Variants in ZBED6 observed in about 807,000 individuals in gnomAD.
ZBED6 encodes the protein zinc finger BED domain-containing protein 6.
ZBED6 carries 40 observed loss-of-function variants against 58.4 expected under a neutral mutation model. The ratio of observed to expected loss-of-function variants is 0.68; its 90% confidence interval spans 0.53 to 0.89. ZBED6 has a LOEUF of 0.89. Ranked by LOEUF, ZBED6 falls within the 40% of genes least tolerant of loss-of-function variation. The probability of loss-of-function intolerance (pLI) is 0.00; values close to 1 mark genes in which losing one functional copy is unlikely to be tolerated. For missense variants in ZBED6, 1,057 were observed against 1,003.9 expected (o/e 1.05, Z -0.71); for synonymous variants, 439 against 350.6 (o/e 1.25, Z -2.82).
chr1:203,809,017 A>C (rs553119335), intron 1 of ZBED6, among the ~76,000 whole-genome samples: 1 of 151,880 alleles, frequency 6.6e-6, no homozygotes, highest in Admixed American at 6.6e-5. Context: ...TTTAGTAGAG[A>C]CAGGATTTCA....
At chr1:203,834,535 G>A (rs1406891861) in intron 9 of ZBED6, among the ~76,000 whole-genome samples, 3 of 152,204 alleles carry the variant, frequency 2.0e-5, no homozygotes, top group Non-Finnish European at 4.4e-5. Context: ...GCCTCCCAAA[G>A]TACTGCAATT....
At chr1:203,803,306 C>T (rs1289431617) in intron 1 of ZBED6, among the ~76,000 whole-genome samples, 1 of 152,038 alleles carries the variant, frequency 6.6e-6, no homozygotes, top group Admixed American at 6.6e-5. Context: ...GTTCTCCTGC[C>T]TCAGCCTCCT....
chr1:203,805,537 C>T (rs1481023527), intron 1 of ZBED6: 20 of 547,978 alleles, frequency 3.6e-5, no homozygotes, highest in South Asian at 2.9e-5. Flanking sequence ...AGGACAGAAA[C>T]GTATCTGTTA....
chr1:203,803,352 G>A (rs944523959), intron 1 of ZBED6, among the ~76,000 whole-genome samples: 3 of 151,714 alleles, frequency 2.0e-5, no homozygotes, highest in Non-Finnish European at 4.4e-5. Flanking sequence ...CCACTACACC[G>A]GATAATTTTT....
At chr1:203,804,558 T>G (rs1456531925) in intron 1 of ZBED6, among the ~76,000 whole-genome samples, 3 of 152,218 alleles carry the variant, frequency 2.0e-5, no homozygotes, top group Non-Finnish European at 4.4e-5. Context: ...GAAGGAAATT[T>G]ACTGCTTCTT....
At chr1:203,832,121 T>C (rs59867004) in intron 8 of ZBED6, among the ~76,000 whole-genome samples, 39,127 of 152,112 alleles carry the variant, frequency 0.26, 5,315 homozygotes, top group East Asian at 0.34. Flanking sequence ...TGCAATGGCA[T>C]GATCTCAGCT....
Position 203,832,720 on chromosome 1 carries a change from A to G in ZBED6, c.*3510+949A>G, listed in dbSNP as rs139714083. 4.9e-3 allele frequency among the ~76,000 whole-genome samples: 742 copies of G among 152,318 alleles called. 6 individuals carry two copies. Among genetic ancestry groups the G allele is most frequent in the African/African-American group, 0.015 (633 of 41,570 alleles). On this transcript the variant is annotated intron_variant, in intron 8 of 16. Transcript: ENST00000550078. ...CTAATAAGGAATTATAGATATAGAT[A>G]TATTTAAATGTTTGTGCAATTCAAA...
intron 1 of ZBED6, among the ~76,000 whole-genome samples, chr1:203,804,608 TGATA>T (rs959669253): frequency 9.9e-5 from 15 of 152,202 alleles, no homozygotes; most frequent in Admixed American, 9.2e-4. Context: ...TTGTTTTAGT[TGATA>T]GATTTTCTAG....
At chr1:203,807,805 A>G (rs1353108139) in intron 1 of ZBED6, among the ~76,000 whole-genome samples, 1 of 151,988 alleles carries the variant, frequency 6.6e-6, no homozygotes, top group African/African-American at 2.4e-5. Flanking sequence ...GCAGTGGGGC[A>G]GTCACGGCTC....
intron 9 of ZBED6, among the ~76,000 whole-genome samples, chr1:203,837,452 CTCT>C (rs1684716951): frequency 6.8e-6 from 1 of 146,928 alleles, no homozygotes; most frequent in Non-Finnish European, 1.5e-5. Context: ...TCCCTTGTCT[CTCT>C]TTTTTTTTTT....
intron 16 of ZBED6, 46 bp from the exon 17 acceptor site, chr1:203,852,095 C>T (rs1168269748): frequency 1.3e-6 from 2 of 1,586,888 alleles, no homozygotes; most frequent in Non-Finnish European, 1.7e-6. Flanking sequence ...ATTCAGCCAA[C>T]TATTTTTAAA....
intron 1 of ZBED6, among the ~76,000 whole-genome samples, chr1:203,809,181 T>TTG (rs1553260016): frequency 7.1e-6 from 1 of 140,462 alleles, no homozygotes; most frequent in African/African-American, 2.7e-5. Flanking sequence ...TGTTTTTTTT[T>TTG]TTTTTTTTTT....
At chr1:203,849,094 A>G (rs570466495) in intron 13 of ZBED6, among the ~76,000 whole-genome samples, 1 of 152,218 alleles carries the variant, frequency 6.6e-6, no homozygotes, top group Non-Finnish European at 1.5e-5. Flanking sequence ...CATGTTGTCC[A>G]GAGTGGTCTC....
At chr1:203,829,064 G>A (rs748043260) in intron 4 of ZBED6, among the ~76,000 whole-genome samples, 27 of 152,188 alleles carry the variant, frequency 1.8e-4, no homozygotes, top group Non-Finnish European at 3.4e-4. Context: ...AGGGAAAAAA[G>A]TAGACTTATT....
chr1:203,851,582 G>A (rs1218983718), intron 16 of ZBED6, among the ~76,000 whole-genome samples: 1 of 152,012 alleles, frequency 6.6e-6, no homozygotes, highest in Non-Finnish European at 1.5e-5. Context: ...CACCTTCCTC[G>A]TCTTCCCAAA....
chr1:203,803,353 G>C (rs573196239), intron 1 of ZBED6, among the ~76,000 whole-genome samples: 6 of 152,108 alleles, frequency 3.9e-5, no homozygotes, highest in African/African-American at 1.2e-4. Flanking sequence ...CACTACACCG[G>C]ATAATTTTTG....
At chr1:203,798,674 C>T (rs1254411562) in exon 1 of ZBED6, 36 of 1,535,994 alleles carry the variant, frequency 2.3e-5, no homozygotes, top group East Asian at 1.7e-4. Context: ...GTCCTATTCC[C>T]GTTGCAGAGC....
intron 13 of ZBED6, among the ~76,000 whole-genome samples, chr1:203,849,403 A>G (rs1688735044): frequency 6.6e-6 from 1 of 152,228 alleles, no homozygotes. Flanking sequence ...GTTTTACACA[A>G]TTTAAAGTAA....
At chr1:203,809,036 G>A (rs1231909971) in intron 1 of ZBED6, among the ~76,000 whole-genome samples, 2 of 151,940 alleles carry the variant, frequency 1.3e-5, no homozygotes, top group Middle Eastern at 3.4e-3. Flanking sequence ...CACCATGTTG[G>A]TCAAGCTGGT....
Sources: gnomAD v4.1 joint callset for allele counts (sites outside exome capture counted in the v4.1 genomes callset) on GRCh38, gnomAD v4.1.1 for gene constraint, MANE v1.5 for transcripts, NCBI Gene and HGNC (gene_info 2026-07-23, HGNC 2026-07-21) for gene names.